Variants in MAD1L1 observed in about 807,000 individuals in gnomAD.
MAD1L1 encodes mitotic spindle assembly checkpoint protein MAD1.
Under a neutral mutation model 96.9 loss-of-function variants are expected in MAD1L1, and 95 were observed. The ratio of observed to expected loss-of-function variants is 0.98; its 90% confidence interval spans 0.83 to 1.16. MAD1L1 has a LOEUF of 1.16. Among genes scored for constraint, MAD1L1 ranks in the 50% most tolerant of loss-of-function variants. MAD1L1 has a pLI of 0.00. For missense variants in MAD1L1, 1,007 were observed against 954.4 expected, an observed-to-expected ratio of 1.06 and a Z score of -0.73; for synonymous variants, 473 against 396.6, an observed-to-expected ratio of 1.19 and a Z score of -2.29.
In MAD1L1 at chr7:1,857,655, T is replaced by C. The variant is rs372413306; in HGVS notation, c.1998+40545A>G. ...AAGGACAAGGAAGGGCTGGGCCAGC[T>C]GGACAGGAGGAAGAGGGGCCTTGGA... On this transcript the variant is annotated intron_variant, in intron 18 of 18. Transcript: ENST00000265854. Among the ~76,000 whole-genome samples the C allele has an allele frequency of 3.9e-5, 6 of 152,324 alleles. No individual in the cohort carries two copies. The East Asian group carries it at 1.2e-3, about 29-fold the overall frequency.
chr7:1,860,285 C>A (rs575861900), intron 18 of MAD1L1, among the ~76,000 whole-genome samples: 2 of 138,568 alleles, frequency 1.4e-5, no homozygotes, highest in African/African-American at 5.6e-5. Context: ...TCCTGCGGGG[C>A]GGCCTCTGTG....
rs115841254 is a variant in MAD1L1, at chr7:2,154,973, G to C, written c.987-5735C>G. 2.6e-5 allele frequency among the ~76,000 whole-genome samples: 4 copies of C among 152,294 alleles called. No homozygotes were observed. The South Asian group carries it at 8.3e-4, about 32-fold the overall frequency. ...GACATACCCTTGAACCAAGCGGGGT[G>C]GGGAGGAGGAGCCCAGGAGGCTCTG... On this transcript the variant is annotated intron_variant, in intron 10 of 18. Transcript: ENST00000265854.
At chr7:2,224,281 A>C (rs1388472110) in intron 4 of MAD1L1, among the ~76,000 whole-genome samples, 1 of 152,080 alleles carries the variant, frequency 6.6e-6, no homozygotes, top group Non-Finnish European at 1.5e-5. Flanking sequence ...ACCCCTAACA[A>C]GGGAATCTCA....
intron 18 of MAD1L1, among the ~76,000 whole-genome samples, chr7:1,851,581 A>G (rs1307229227): frequency 6.6e-6 from 1 of 152,148 alleles, no homozygotes; most frequent in Non-Finnish European, 1.5e-5. Context: ...CGATTCCTGG[A>G]AAGTCACCAA....
chr7:1,978,807 G>T (rs1780763083), intron 15 of MAD1L1, among the ~76,000 whole-genome samples: 1 of 152,136 alleles, frequency 6.6e-6, no homozygotes, highest in African/African-American at 2.4e-5. Context: ...GCGCGTCGGG[G>T]CCCACTCACC....
At chr7:1,877,340 G>C (rs946824061) in intron 18 of MAD1L1, among the ~76,000 whole-genome samples, 1 of 151,792 alleles carries the variant, frequency 6.6e-6, no homozygotes, top group Non-Finnish European at 1.5e-5. Context: ...TAAAATATTT[G>C]ATACCTGTTT....
At chr7:1,927,083 C>G (rs1176887394) in intron 17 of MAD1L1, among the ~76,000 whole-genome samples, 1 of 152,176 alleles carries the variant, frequency 6.6e-6, no homozygotes, top group East Asian at 1.9e-4. Flanking sequence ...CACACACGCA[C>G]TGAACACCTG....
chr7:2,201,860 A>C (rs1414745203), intron 10 of MAD1L1: 2 of 152,316 alleles, frequency 1.3e-5, no homozygotes, highest in Non-Finnish European at 2.9e-5. Flanking sequence ...CCTGGAATGA[A>C]GCCCAAGGGC....
chr7:2,073,285 T>G (rs1179108699), intron 11 of MAD1L1, among the ~76,000 whole-genome samples: 1 of 152,166 alleles, frequency 6.6e-6, no homozygotes, highest in African/African-American at 2.4e-5. Context: ...ATGCAAAAAC[T>G]CACTCTGGGA....
chr7:1,858,485 G>A (rs779479611), intron 18 of MAD1L1, among the ~76,000 whole-genome samples: 28 of 152,330 alleles, frequency 1.8e-4, no homozygotes, highest in African/African-American at 3.8e-4. Flanking sequence ...CGGCGTCTCC[G>A]GCTCCCATGT....
chr7:1,829,010 C>T (rs1044606607), intron 18 of MAD1L1, among the ~76,000 whole-genome samples: 4 of 151,968 alleles, frequency 2.6e-5, no homozygotes, highest in Non-Finnish European at 4.4e-5. Context: ...GGAAACCGTC[C>T]GAGATGAAAC....
intron 15 of MAD1L1, among the ~76,000 whole-genome samples, chr7:1,969,803 T>A (rs1229704409): frequency 6.6e-6 from 1 of 152,174 alleles, no homozygotes; most frequent in South Asian, 2.1e-4. Context: ...CTGCAATACA[T>A]TTACCCAAGG....
chr7:2,208,988 C>T (rs1412362035), intron 10 of MAD1L1, among the ~76,000 whole-genome samples: 1 of 152,220 alleles, frequency 6.6e-6, no homozygotes, highest in African/African-American at 2.4e-5. Flanking sequence ...GTCCACACCA[C>T]ACTCCCGGCA....
chr7:1,931,931 G>A (rs2128461437), intron 17 of MAD1L1, among the ~76,000 whole-genome samples: 1 of 152,318 alleles, frequency 6.6e-6, no homozygotes, highest in South Asian at 2.1e-4. Context: ...GTCTTTTTGT[G>A]CGGGGCAGCA....
chr7:1,902,386 AG>A (rs1430566266), intron 17 of MAD1L1, among the ~76,000 whole-genome samples: 1 of 152,216 alleles, frequency 6.6e-6, no homozygotes, highest in Non-Finnish European at 1.5e-5. Context: ...CAGGGCAGGG[AG>A]AGCCAGCACA....
chr7:2,037,797 T>C (rs1021665360), intron 12 of MAD1L1, among the ~76,000 whole-genome samples: 6 of 152,114 alleles, frequency 3.9e-5, no homozygotes, highest in African/African-American at 9.7e-5. Context: ...TGGGCCTCTC[T>C]ATTCCCTGGG....
At chr7:2,185,533 TC>T (rs1324168779) in intron 10 of MAD1L1, among the ~76,000 whole-genome samples, 7 of 152,354 alleles carry the variant, frequency 4.6e-5, no homozygotes, top group Non-Finnish European at 2.9e-5. Flanking sequence ...ATAGATAGTT[TC>T]TTTTTTTAAA....
At chr7:1,850,133 G>A (rs555369925) in intron 18 of MAD1L1, among the ~76,000 whole-genome samples, 1 of 152,300 alleles carries the variant, frequency 6.6e-6, no homozygotes, top group Non-Finnish European at 1.5e-5. Context: ...CTGAGTGGTT[G>A]TGGGTGAGCG....
chr7:1,937,551 C>CGG (rs1778681451), intron 16 of MAD1L1, among the ~76,000 whole-genome samples: 1 of 152,164 alleles, frequency 6.6e-6, no homozygotes, highest in Non-Finnish European at 1.5e-5. Flanking sequence ...AGCCCTGCAG[C>CGG]AGGGACAGCC....
Sources: allele counts gnomAD v4.1 joint callset (sites outside exome capture counted in the v4.1 genomes callset), GRCh38; gene constraint gnomAD v4.1.1; transcripts MANE v1.5; gene names NCBI Gene and HGNC (gene_info 2026-07-23, HGNC 2026-07-21).